The following DNAAF4 variants were observed in gnomAD, a reference collection of about 807,000 sequenced individuals.
The protein encoded by DNAAF4 is dynein assembly factor 4, axonemal.
In DNAAF4, 43 loss-of-function variants were observed where a neutral mutation model predicts 51.8. The observed-to-expected ratio is 0.83, with a 90% CI of 0.65 to 1.07. The LOEUF (loss-of-function observed/expected upper bound fraction) is 1.07, where lower values mean the gene tolerates loss of function less well. DNAAF4 is among the 50% of genes least tolerant of loss of function. The pLI, the probability that DNAAF4 is intolerant of heterozygous loss-of-function variation, is 0.00. For synonymous variants in DNAAF4, 194 were observed against 165.6 expected (o/e 1.17, Z -1.32); for missense variants, 581 against 493.0 (o/e 1.18, Z -1.69).
intron 1 of DNAAF4, among the ~76,000 whole-genome samples, chr15:55,505,220 A>G (rs982327163): frequency 1.3e-5 from 2 of 152,234 alleles, no homozygotes; most frequent in African/African-American, 4.8e-5. Context: ...ACAGTGAGAT[A>G]CCATCTCACA....
chr15:55,433,847 A>AT (rs1453697181), intron 8 of DNAAF4, among the ~76,000 whole-genome samples: 5 of 60,438 alleles, frequency 8.3e-5, no homozygotes, highest in Non-Finnish European at 1.4e-4. Context: ...ATTATATATT[A>AT]TATATATTAT....
chr15:55,454,118 T>A (rs146401630), intron 5 of DNAAF4, among the ~76,000 whole-genome samples: 1 of 151,576 alleles, frequency 6.6e-6, no homozygotes, highest in Admixed American at 6.6e-5. Context: ...GTGGCCAATA[T>A]GGTGAAACCC....
At chr15:55,451,019 C>G (rs2057924081) in intron 5 of DNAAF4, among the ~76,000 whole-genome samples, 2 of 152,164 alleles carry the variant, frequency 1.3e-5, no homozygotes, top group South Asian at 4.1e-4. Flanking sequence ...CTTGCTTGAA[C>G]CTGGGAGGTG....
chr15:55,421,591 A>G (rs1340282064), intron 7 of DNAAF4, among the ~76,000 whole-genome samples: 1 of 152,080 alleles, frequency 6.6e-6, no homozygotes, highest in African/African-American at 2.4e-5. Context: ...AGTGCCTATT[A>G]AAGTCCCAGG....
intron 1 of DNAAF4, among the ~76,000 whole-genome samples, chr15:55,501,466 C>T (rs1258973521): frequency 6.6e-6 from 1 of 150,814 alleles, no homozygotes; most frequent in Non-Finnish European, 1.5e-5. Flanking sequence ...AGCTCCGCCT[C>T]CTGGGTTCAC....
chr15:55,504,113 C>T (rs866563188), intron 1 of DNAAF4, among the ~76,000 whole-genome samples: 28 of 152,154 alleles, frequency 1.8e-4, no homozygotes, highest in African/African-American at 5.8e-4. Flanking sequence ...AAATCACAAG[C>T]GTTCCTATAC....
chr15:55,482,937 A>G (rs1420225974), intron 4 of DNAAF4, among the ~76,000 whole-genome samples: 1 of 152,174 alleles, frequency 6.6e-6, no homozygotes, highest in Admixed American at 6.5e-5. Flanking sequence ...CCTCCCATAA[A>G]GACTGATGGG....
intron 4 of DNAAF4, 87 bp from the exon 5 acceptor site, chr15:55,467,248 TC>T: frequency 8.3e-7 from 1 of 1,202,222 alleles, no homozygotes; most frequent in Non-Finnish European, 1.2e-6. Context: ...AATTAGTTAT[TC>T]ATACCTCTAA....
rs532406608 is a variant in DNAAF4, at chr15:55,432,418, G to A, written c.1153+79C>T. ...ATATTTAAAAATGGAGTCCTTAAAAGTCACGATCTTAAATAATTCCAATGA... is the reference window on the plus strand; with the variant it reads ...ATATTTAAAAATGGAGTCCTTAAAAATCACGATCTTAAATAATTCCAATGA... On this transcript the variant is annotated intron_variant, in intron 9 of 9. Transcript: ENST00000321149. 3 of 1,175,500 alleles carry A rather than the reference G, an allele frequency of 2.6e-6. No individual in the cohort carries two copies. The African/African-American group carries it at 4.6e-5, about 18-fold the overall frequency. 72.8% of individuals were successfully genotyped at this position (1,175,500 alleles called of 1,614,324 possible).
At chr15:55,486,499 T>C (rs2058491477) in intron 4 of DNAAF4, among the ~76,000 whole-genome samples, 1 of 152,154 alleles carries the variant, frequency 6.6e-6, no homozygotes, top group Non-Finnish European at 1.5e-5. Context: ...CAGATGACCC[T>C]GCTTCTTTAC....
intron 6 of DNAAF4, among the ~76,000 whole-genome samples, chr15:55,444,397 G>A (rs1348441685): frequency 1.3e-5 from 2 of 152,130 alleles, no homozygotes; most frequent in Non-Finnish European, 2.9e-5. Flanking sequence ...TGTTCCATTG[G>A]TCTATATCTC....
At chr15:55,439,692 C>T in intron 6 of DNAAF4, 111 bp from the exon 7 acceptor site, 1 of 911,010 alleles carries the variant, frequency 1.1e-6, no homozygotes, top group Non-Finnish European at 1.6e-6. Flanking sequence ...TTGCTATGCA[C>T]TGAGTGTTTG....
chr15:55,475,845 A>T (rs1007191481), intron 4 of DNAAF4, among the ~76,000 whole-genome samples: 11 of 152,196 alleles, frequency 7.2e-5, no homozygotes, highest in Non-Finnish European at 1.2e-4. Context: ...GGGAATAAAG[A>T]GGAAAACTTT....
At chr15:55,496,646 T>A (rs1339291148) in intron 3 of DNAAF4, among the ~76,000 whole-genome samples, 1 of 152,182 alleles carries the variant, frequency 6.6e-6, no homozygotes, top group Non-Finnish European at 1.5e-5. Flanking sequence ...TGAGCCCACA[T>A]CTTCTGCTTA....
At chr15:55,442,619 C>G in intron 6 of DNAAF4, 1 of 1,509,390 alleles carries the variant, frequency 6.6e-7, no homozygotes, top group South Asian at 1.1e-5. Flanking sequence ...AGATGGAGTT[C>G]ACCAGCAGCT....
At chr15:55,441,053 T>C (rs1357130784) in intron 6 of DNAAF4, among the ~76,000 whole-genome samples, 2 of 151,998 alleles carry the variant, frequency 1.3e-5, no homozygotes, top group African/African-American at 4.8e-5. Context: ...TTTCTTGCTT[T>C]CTGGGAGTTC....
intron 4 of DNAAF4, among the ~76,000 whole-genome samples, chr15:55,477,892 C>A (rs1380197210): frequency 6.9e-6 from 1 of 144,734 alleles, no homozygotes; most frequent in African/African-American, 2.5e-5. Flanking sequence ...ATGGTGAAAA[C>A]CTGTCTCTAC....
rs1169254097 is a variant in DNAAF4, at chr15:55,456,742, G to C, written c.638-6375C>G. On this transcript the variant is annotated intron_variant, in intron 5 of 9. Coordinates refer to ENST00000321149, the MANE Select transcript of DNAAF4 (RefSeq NM_130810.4). ...GTCTCTGAACATACATCCCCACTGGGGAACCTGAAAATCCAGATCACAGGG... is the reference window on the plus strand; with the variant it reads ...GTCTCTGAACATACATCCCCACTGGCGAACCTGAAAATCCAGATCACAGGG... Among the ~76,000 whole-genome samples, 4 of 152,284 alleles carry C rather than the reference G, an allele frequency of 2.6e-5. 1 individual carries two copies. The highest frequency in any genetic ancestry group is 9.6e-5 in the African/African-American group (4 of 41,566).
intron 7 of DNAAF4, among the ~76,000 whole-genome samples, chr15:55,438,239 T>C (rs2057648454): frequency 6.6e-6 from 1 of 151,366 alleles, no homozygotes; most frequent in Non-Finnish European, 1.5e-5. Flanking sequence ...TAATCCCAGC[T>C]ACTGAGGAGG....
Sources: allele counts gnomAD v4.1 joint callset (sites outside exome capture counted in the v4.1 genomes callset), GRCh38; gene constraint gnomAD v4.1.1; transcripts MANE v1.5; gene names NCBI Gene and HGNC (gene_info 2026-07-23, HGNC 2026-07-21).